Variants in CAST observed in about 807,000 individuals in gnomAD.
CAST encodes the protein MIR583 host.
In CAST, 76 loss-of-function variants were observed where a neutral mutation model predicts 119.6. The ratio of observed to expected loss-of-function variants is 0.64; its 90% CI spans 0.53 to 0.77. CAST has a LOEUF of 0.77. Among genes scored for constraint, CAST ranks in the 30% least tolerant of loss-of-function variants. The probability of loss-of-function intolerance (pLI) is 0.00; values close to 1 mark genes in which losing one functional copy is unlikely to be tolerated. For synonymous variants in CAST, 319 were observed against 331.6 expected, an observed-to-expected ratio of 0.96 and a Z score of 0.41; for missense variants, 953 against 946.5, an observed-to-expected ratio of 1.01 and a Z score of -0.09.
At chr5:96,637,171 A>G (rs1043981979) in intron 1 of CAST, among the ~76,000 whole-genome samples, 1 of 152,208 alleles carries the variant, frequency 6.6e-6, no homozygotes, top group Non-Finnish European at 1.5e-5. Context: ...TTGCTAATGT[A>G]ATTTTATTAC....
intron 9 of CAST, among the ~76,000 whole-genome samples, chr5:96,735,723 A>G (rs1038041240): frequency 3.3e-5 from 5 of 152,204 alleles, no homozygotes; most frequent in African/African-American, 1.2e-4. Context: ...TGAGCGATCA[A>G]CTCATTTTAA....
chr5:96,428,935 T>A, the CAST span, among the ~76,000 whole-genome samples: 1 of 152,118 alleles, frequency 6.6e-6, no homozygotes, highest in African/African-American at 2.4e-5. Flanking sequence ...AATTTGTGAG[T>A]GTACATATAA....
chr5:96,632,946 A>G (rs1314901945), intron 1 of CAST, among the ~76,000 whole-genome samples: 1 of 151,954 alleles, frequency 6.6e-6, no homozygotes, highest in East Asian at 1.9e-4. Context: ...TTTATTCCAT[A>G]TGTCATTTTT....
chr5:96,170,307 C>G, the CAST span, among the ~76,000 whole-genome samples: 27 of 152,314 alleles, frequency 1.8e-4, no homozygotes, highest in Admixed American at 1.6e-3. Context: ...GCCGGCATTC[C>G]TTGGCCCAGT....
chr5:96,668,610 C>T (rs1244608769), intron 1 of CAST, among the ~76,000 whole-genome samples: 2 of 152,072 alleles, frequency 1.3e-5, no homozygotes, highest in Admixed American at 6.5e-5. Context: ...TTTGCCAGCC[C>T]CTGGGATAGA....
chr5:96,577,945 TC>T (rs1368997991), intron 1 of CAST, among the ~76,000 whole-genome samples: 2 of 152,190 alleles, frequency 1.3e-5, no homozygotes, highest in African/African-American at 4.8e-5. Context: ...TGTCATTAGA[TC>T]CTGTTTGTGT....
the CAST span, among the ~76,000 whole-genome samples, chr5:96,479,079 C>T: frequency 6.6e-6 from 1 of 152,154 alleles, no homozygotes; most frequent in Non-Finnish European, 1.5e-5. Context: ...AGTAGGAGAG[C>T]AGCTGGCAGA....
chr5:96,018,552 A>G, the CAST span, among the ~76,000 whole-genome samples: 1 of 152,208 alleles, frequency 6.6e-6, no homozygotes, highest in African/African-American at 2.4e-5. Context: ...CATTGCTCCC[A>G]TTGGTAAAAC....
At chr5:96,419,561 A>G in the CAST span, among the ~76,000 whole-genome samples, 1,546 of 151,438 alleles carry the variant, frequency 0.01, 26 homozygotes, top group African/African-American at 0.035. Context: ...AGATCACCCA[A>G]CTACTAAGTG....
chr5:96,178,934 A>G, the CAST span, among the ~76,000 whole-genome samples: 2 of 152,154 alleles, frequency 1.3e-5, no homozygotes, highest in African/African-American at 4.8e-5. Context: ...TCCTGATCTC[A>G]ATGAAGCCCC....
the CAST span, among the ~76,000 whole-genome samples, chr5:96,023,865 C>T: frequency 6.6e-6 from 1 of 151,928 alleles, no homozygotes; most frequent in African/African-American, 2.4e-5. Context: ...CTTTCAGAGG[C>T]CTGGATAGTT....
At chr5:96,542,881 G>T (rs1745939317) in intron 1 of CAST, among the ~76,000 whole-genome samples, 2 of 152,170 alleles carry the variant, frequency 1.3e-5, no homozygotes, top group African/African-American at 4.8e-5. Flanking sequence ...TAAAAAGTCA[G>T]GAAACAGATG....
chr5:96,770,705 A>T, intron 30 of CAST, 103 bp downstream of exon 30: 2 of 774,056 alleles, frequency 2.6e-6, no homozygotes, highest in Non-Finnish European at 4.4e-6. Flanking sequence ...ATTTAGAATA[A>T]AATTTCTTAA....
the CAST span, chr5:96,079,337 C>G: frequency 3.3e-6 from 1 of 299,002 alleles, no homozygotes; most frequent in Non-Finnish European, 6.9e-6. Context: ...AGGAATGATT[C>G]AATATCCTGG....
At chr5:96,393,291 A>G in the CAST span, 4 of 1,613,948 alleles carry the variant, frequency 2.5e-6, no homozygotes, top group Non-Finnish European at 3.4e-6. Context: ...CCCTCCTCCA[A>G]CTCATCCCTC....
At chr5:96,622,023 G>T (rs1264507666) in intron 1 of CAST, among the ~76,000 whole-genome samples, 4 of 133,110 alleles carry the variant, frequency 3.0e-5, no homozygotes, top group African/African-American at 5.8e-5. Context: ...GGGCTGGAGT[G>T]CAGTGGCGCA....
chr5:95,961,702 C>G, the CAST span: 1 of 1,606,380 alleles, frequency 6.2e-7, no homozygotes, highest in Non-Finnish European at 8.5e-7. Context: ...CCGCAGGCCC[C>G]CTGTCCCCCC....
the CAST span, among the ~76,000 whole-genome samples, chr5:96,141,492 A>T: frequency 6.6e-6 from 1 of 152,248 alleles, no homozygotes; most frequent in Non-Finnish European, 1.5e-5. Flanking sequence ...TAAATGCAGA[A>T]TAGGGAATTG....
chr5:96,180,519 T>C, the CAST span, among the ~76,000 whole-genome samples: 1 of 152,134 alleles, frequency 6.6e-6, no homozygotes, highest in African/African-American at 2.4e-5. Context: ...TCCCTTGTTT[T>C]CCACAACAAT....
Sources: gnomAD v4.1 joint callset for allele counts (sites outside exome capture counted in the v4.1 genomes callset) on GRCh38, gnomAD v4.1.1 for gene constraint, MANE v1.5 for transcripts, NCBI Gene and HGNC (gene_info 2026-07-23, HGNC 2026-07-21) for gene names.